Variants in CDH13 observed in about 807,000 individuals in gnomAD.
CDH13 encodes cadherin 13.
CDH13 carries 24 observed loss-of-function variants against 63.8 expected under a neutral mutation model. The observed-to-expected ratio is 0.38, with a 90% CI of 0.27 to 0.53. CDH13 has a LOEUF of 0.53. Among genes scored for constraint, CDH13 ranks in the 20% least tolerant of loss-of-function variants. CDH13 has a pLI of 0.85. For missense variants in CDH13, 1,049 were observed against 903.1 expected (o/e 1.16, Z -2.07); for synonymous variants, 503 against 355.3 (o/e 1.42, Z -4.67).
rs554371775 is a variant in CDH13, at chr16:83,058,448, C to T, written c.366+26230C>T. Among the ~76,000 whole-genome samples, 3 of 152,266 alleles carry T rather than the reference C, an allele frequency of 2.0e-5. No individual in the cohort carries two copies. The South Asian group carries it at 6.2e-4, about 32-fold the overall frequency. ...TGGGGGTACCAAATAATTCATTTCC[C>T]CTTTTCCCAACAGATGCATTCTTGT... On this transcript the variant is annotated intron_variant, in intron 3 of 13. Transcript: ENST00000567109.
chr16:83,207,814 C>T (rs967998058), intron 4 of CDH13, among the ~76,000 whole-genome samples: 3 of 148,090 alleles, frequency 2.0e-5, no homozygotes, highest in African/African-American at 7.4e-5. Context: ...GAAAAAAGGG[C>T]ACACTCTCAG....
At position 83,125,470 on chromosome 16, in the gene CDH13, A is replaced by G. The variant is rs2035768956; in HGVS notation, c.452A>G (p.Gln151Arg). The change falls in exon 4 of 14, where the codon CAG (glutamine) becomes CGG (arginine). Residue 151 changes from glutamine to arginine, a missense_variant. Transcript: ENST00000567109. ...VVSPILIPEN[Q>R]RQPFPRDVGK... is the part of the protein sequence containing the mutation. ...TCTCCCATTTTAATTCCAGAGAATC[A>G]GAGACAGCCTTTCCCAAGAGATGTT... 6.2e-7 allele frequency: 1 copy of G among 1,608,360 alleles called. No homozygotes were observed. The highest frequency in any genetic ancestry group is 8.5e-7 in the Non-Finnish European group (1 of 1,174,822).
At chr16:82,749,893 C>T (rs1179483443) in intron 1 of CDH13, among the ~76,000 whole-genome samples, 1 of 151,936 alleles carries the variant, frequency 6.6e-6, no homozygotes, top group African/African-American at 2.4e-5. Flanking sequence ...TTGCCAATGA[C>T]TGAATGAAAG....
intron 2 of CDH13, among the ~76,000 whole-genome samples, chr16:82,940,127 C>T (rs1330871895): frequency 2.6e-5 from 4 of 152,168 alleles, no homozygotes; most frequent in Non-Finnish European, 5.9e-5. Flanking sequence ...CCAGGTCCCT[C>T]CCACAACGTG....
At chr16:83,094,527 A>G (rs1278933059) in intron 3 of CDH13, among the ~76,000 whole-genome samples, 1 of 152,184 alleles carries the variant, frequency 6.6e-6, no homozygotes, top group African/African-American at 2.4e-5. Flanking sequence ...TTGACTAGTC[A>G]TTGAATGTAG....
intron 7 of CDH13, among the ~76,000 whole-genome samples, chr16:83,522,494 T>C (rs766548293): frequency 2.0e-5 from 3 of 152,226 alleles, no homozygotes; most frequent in Non-Finnish European, 4.4e-5. Flanking sequence ...TATTACAGAC[T>C]TGAAGCTGGT....
intron 6 of CDH13, among the ~76,000 whole-genome samples, chr16:83,440,241 C>A (rs188568726): frequency 9.2e-5 from 14 of 152,266 alleles, no homozygotes; most frequent in African/African-American, 2.2e-4. Flanking sequence ...GCTTAGGACA[C>A]GGAAAGGAGT....
chr16:83,442,356 C>G lies in CDH13; in HGVS notation c.782-44121C>G, dbSNP rs188140562. Among the ~76,000 whole-genome samples the G allele has an allele frequency of 3.7e-3, 565 of 152,274 alleles. 7 individuals are homozygous for G. The highest frequency in any genetic ancestry group is 0.013 in the African/African-American group (546 of 41,546). ...CCAAGGACCTCCACATCCTGCCTCCCACCTCCATGAGCAGCTATTCCAAAG... is the reference window on the plus strand; with the variant it reads ...CCAAGGACCTCCACATCCTGCCTCCGACCTCCATGAGCAGCTATTCCAAAG... On this transcript the variant is annotated intron_variant, in intron 6 of 13. Transcript: ENST00000567109.
intron 7 of CDH13, among the ~76,000 whole-genome samples, chr16:83,513,453 A>G (rs754865629): frequency 1.3e-5 from 2 of 152,228 alleles, no homozygotes; most frequent in South Asian, 2.1e-4. Flanking sequence ...TCATGCTGCT[A>G]TAAAGACTTA....
At chr16:83,455,751 G>A (rs528327155) in intron 6 of CDH13, among the ~76,000 whole-genome samples, 12 of 152,268 alleles carry the variant, frequency 7.9e-5, no homozygotes, top group East Asian at 3.9e-4. Context: ...CTTTCCATTC[G>A]TTTTCCTTTG....
chr16:82,758,215 T>A (rs1185914276), intron 1 of CDH13, among the ~76,000 whole-genome samples: 3 of 152,092 alleles, frequency 2.0e-5, no homozygotes, highest in Non-Finnish European at 4.4e-5. Context: ...TTTGGTTCTT[T>A]GAGCTATGAG....
In CDH13 at chr16:83,072,346, T is replaced by C. The variant is rs534874504; in HGVS notation, c.366+40128T>C. The stretch of plus-strand genomic sequence containing the variant: ...TGGTTAGATTGCTGTTGTGTTTATA[T>C]ATAATGCTAGAAATAATGCATATGT... On this transcript the variant is annotated intron_variant, in intron 3 of 13. Coordinates refer to ENST00000567109, the MANE Select transcript of CDH13 (RefSeq NM_001257.5). Among the ~76,000 whole-genome samples the C allele has an allele frequency of 3.3e-5, 5 of 152,218 alleles. No homozygotes were observed. In the East Asian group the frequency reaches 5.8e-4, roughly 18 times the overall value.
intron 10 of CDH13, among the ~76,000 whole-genome samples, chr16:83,713,900 G>C (rs1908476333): frequency 6.6e-6 from 1 of 152,162 alleles, no homozygotes. Flanking sequence ...AAGAGGCTTT[G>C]GTCAGGTTTC....
At chr16:83,781,952 A>G (rs1468818799) in intron 12 of CDH13, among the ~76,000 whole-genome samples, 2 of 152,016 alleles carry the variant, frequency 1.3e-5, no homozygotes, top group Non-Finnish European at 2.9e-5. Flanking sequence ...AAGAAAAAAA[A>G]AAAGATTGTA....
chr16:82,634,509 C>T (rs757741786), intron 1 of CDH13, among the ~76,000 whole-genome samples: 3 of 152,322 alleles, frequency 2.0e-5, no homozygotes, highest in Non-Finnish European at 4.4e-5. Context: ...GATCATCTCA[C>T]TCAGGGGTTG....
chr16:83,700,671 A>G (rs558881844), intron 10 of CDH13, among the ~76,000 whole-genome samples: 5 of 152,364 alleles, frequency 3.3e-5, no homozygotes, highest in African/African-American at 1.2e-4. Context: ...CTTTTTTATG[A>G]GCAATGCATG....
At chr16:83,393,284 T>G (rs1455846148) in intron 6 of CDH13, among the ~76,000 whole-genome samples, 2 of 152,112 alleles carry the variant, frequency 1.3e-5, no homozygotes, top group African/African-American at 2.4e-5. Context: ...GGAAGCATTC[T>G]CGTGGGAATA....
At chr16:83,230,526 C>T (rs1222995766) in intron 5 of CDH13, among the ~76,000 whole-genome samples, 2 of 152,218 alleles carry the variant, frequency 1.3e-5, no homozygotes, top group Non-Finnish European at 2.9e-5. Flanking sequence ...TGGCTCACAC[C>T]TGTAATCCCA....
intron 6 of CDH13, among the ~76,000 whole-genome samples, chr16:83,376,320 T>G (rs907980869): frequency 2.6e-5 from 4 of 152,184 alleles, no homozygotes; most frequent in African/African-American, 9.7e-5. Context: ...GGCTTGTGCC[T>G]ACACCTAGAG....
Sources: gnomAD v4.1 joint callset for allele counts (sites outside exome capture counted in the v4.1 genomes callset) on GRCh38, gnomAD v4.1.1 for gene constraint, MANE v1.5 for transcripts, NCBI Gene and HGNC (gene_info 2026-07-23, HGNC 2026-07-21) for gene names.